Variants in SMIM10L3 observed in about 807,000 individuals in gnomAD.
SMIM10L3 encodes small integral membrane protein 10 like 3, also known as salivary gland specific protein SAGSIN1.
At chr7:6,342,218 T>C in the SMIM10L3 span, among the ~76,000 whole-genome samples, 1 of 152,034 alleles carries the variant, frequency 6.6e-6, no homozygotes, top group Non-Finnish European at 1.5e-5. Context: ...GTTTCTTACT[T>C]TCTCTTTCTC....
the SMIM10L3 span, among the ~76,000 whole-genome samples, chr7:6,344,889 A>G: frequency 2.6e-5 from 4 of 151,452 alleles, no homozygotes; most frequent in Admixed American, 2.6e-4. Context: ...TGACAGGCGC[A>G]TGCCGCCATG....
chr7:6,347,817 G>T, the SMIM10L3 span, among the ~76,000 whole-genome samples: 1 of 151,300 alleles, frequency 6.6e-6, no homozygotes, highest in Non-Finnish European at 1.5e-5. Context: ...GCACTGGGAG[G>T]CCAAGATGGG....
the SMIM10L3 span, chr7:6,348,867 G>A: frequency 2.6e-6 from 1 of 389,326 alleles, no homozygotes; most frequent in Non-Finnish European, 4.5e-6. Context: ...GCGGCGGCTA[G>A]ACCGGCGGGC....
chr7:6,333,840 CTTTTTTTTTT>C, the SMIM10L3 span, among the ~76,000 whole-genome samples: 1 of 96,844 alleles, frequency 1.0e-5, no homozygotes, highest in African/African-American at 3.9e-5. Context: ...CTCCTGGCCT[CTTTTTTTTTT>C]TTTTTTTTTT....
chr7:6,330,649 T>C, the SMIM10L3 span: 2 of 1,614,082 alleles, frequency 1.2e-6, no homozygotes, highest in Non-Finnish European at 1.7e-6. Context: ...TGGTGGGTCA[T>C]CCTGAAAACT....
chr7:6,336,316 C>T, the SMIM10L3 span, among the ~76,000 whole-genome samples: 1 of 151,978 alleles, frequency 6.6e-6, no homozygotes, highest in Non-Finnish European at 1.5e-5. Context: ...CCACTATACT[C>T]CAGCCTGCGC....
the SMIM10L3 span, chr7:6,348,699 G>A: frequency 6.8e-6 from 3 of 442,306 alleles, no homozygotes; most frequent in South Asian, 1.6e-4. Context: ...AGACCCCATA[G>A]GAGCGGGCGG....
chr7:6,347,907 ATT>A, the SMIM10L3 span, among the ~76,000 whole-genome samples: 1 of 146,164 alleles, frequency 6.8e-6, no homozygotes, highest in African/African-American at 2.5e-5. Flanking sequence ...TATTATTATT[ATT>A]ATTATTATTA....
the SMIM10L3 span, among the ~76,000 whole-genome samples, chr7:6,337,466 G>C: frequency 6.6e-6 from 1 of 151,798 alleles, no homozygotes; most frequent in Non-Finnish European, 1.5e-5. Context: ...ATATGGGACA[G>C]TGCTCAGAAA....
the SMIM10L3 span, among the ~76,000 whole-genome samples, chr7:6,333,665 A>AT: frequency 0.16 from 23,609 of 146,534 alleles, 2,213 homozygotes; most frequent in Admixed American, 0.28. Flanking sequence ...CACCTGGCAA[A>AT]TTTTTTTTTT....
chr7:6,330,706 G>A, the SMIM10L3 span: 47 of 1,614,102 alleles, frequency 2.9e-5, 1 homozygote, highest in South Asian at 3.7e-4. Flanking sequence ...TGACACCCGA[G>A]GCTCTCCTTT....
At chr7:6,330,922 C>T in the SMIM10L3 span, 2 of 1,614,240 alleles carry the variant, frequency 1.2e-6, no homozygotes, top group South Asian at 2.2e-5. Flanking sequence ...TGGGCCGCCA[C>T]TGTGAAGCCA....
chr7:6,333,949 C>T, the SMIM10L3 span, among the ~76,000 whole-genome samples: 1 of 150,574 alleles, frequency 6.6e-6, no homozygotes, highest in Non-Finnish European at 1.5e-5. Flanking sequence ...CGGGTTCACG[C>T]CATTCTCCTG....
the SMIM10L3 span, among the ~76,000 whole-genome samples, chr7:6,332,068 T>C: frequency 6.8e-6 from 1 of 147,818 alleles, no homozygotes; most frequent in East Asian, 2.0e-4. Flanking sequence ...GCCGAGATCA[T>C]GCCACTGCAC....
the SMIM10L3 span, among the ~76,000 whole-genome samples, chr7:6,341,640 A>C: frequency 6.7e-6 from 1 of 150,108 alleles, no homozygotes; most frequent in South Asian, 2.1e-4. Flanking sequence ...CAGTGAGCTG[A>C]GATCGCGCCA....
the SMIM10L3 span, among the ~76,000 whole-genome samples, chr7:6,333,817 G>C: frequency 1.4e-5 from 2 of 141,330 alleles, no homozygotes; most frequent in South Asian, 2.4e-4. Context: ...ATGTTGCCTA[G>C]AATGGTCTCG....
the SMIM10L3 span, among the ~76,000 whole-genome samples, chr7:6,333,482 G>T: frequency 6.6e-6 from 1 of 152,142 alleles, no homozygotes; most frequent in Non-Finnish European, 1.5e-5. Flanking sequence ...AGGAGGGACA[G>T]ACTAAAGTTT....
chr7:6,345,887 G>C, the SMIM10L3 span, among the ~76,000 whole-genome samples: 1 of 151,960 alleles, frequency 6.6e-6, no homozygotes, highest in African/African-American at 2.4e-5. Context: ...TCCTGCCTCA[G>C]CCTACCATGT....
chr7:6,338,419 A>C, the SMIM10L3 span, among the ~76,000 whole-genome samples: 1 of 152,196 alleles, frequency 6.6e-6, no homozygotes, highest in Admixed American at 6.6e-5. Flanking sequence ...GGTAGCTACC[A>C]AAGCTGAGAC....
Sources: gnomAD v4.1 joint callset for allele counts (sites outside exome capture counted in the v4.1 genomes callset) on GRCh38, gnomAD v4.1.1 for gene constraint, MANE v1.5 for transcripts, NCBI Gene and HGNC (gene_info 2026-07-23, HGNC 2026-07-21) for gene names.